Variants in MEIOB observed in about 807,000 individuals in gnomAD.
MEIOB encodes the protein meiosis-specific with OB domain-containing protein.
A neutral mutation model predicts 53.1 loss-of-function variants in MEIOB; 50 were observed. That is an observed-to-expected ratio of 0.94 (90% CI 0.75 to 1.19). The LOEUF is 1.19. Ranked by LOEUF, MEIOB falls within the 50% of genes most tolerant of loss-of-function variation. The pLI is 0.00. For synonymous variants in MEIOB, 192 were observed against 182.5 expected, an observed-to-expected ratio of 1.05 and a Z score of -0.42; for missense variants, 551 against 550.8, an observed-to-expected ratio of 1.00 and a Z score of 0.00.
At chr16:1,851,136 C>A (rs1350048619) in intron 9 of MEIOB, among the ~76,000 whole-genome samples, 1 of 152,090 alleles carries the variant, frequency 6.6e-6, no homozygotes, top group East Asian at 1.9e-4. Flanking sequence ...CAGCCTGCTA[C>A]CCCATCCAGA....
chr16:1,856,761 T>G lies in MEIOB; in HGVS notation c.528+974A>C, dbSNP rs1408561659. ...AGGCATGAGCCACCACGCCAGGCCT[T>G]TTTTTTTTTTTTTTTTTTTTGAGAC... On this transcript the variant is annotated intron_variant, in intron 6 of 13. Coordinates refer to ENST00000325962, the MANE Select transcript of MEIOB (RefSeq NM_001163560.3). 9.6e-3 allele frequency among the ~76,000 whole-genome samples: 108 copies of G among 11,208 alleles called. 1 individual carries two copies. The highest frequency in any genetic ancestry group is 6.5e-3 in the Non-Finnish European group (37 of 5,654). The allele number at this position is 11,208 out of a possible 152,430, so 7.4% of individuals were successfully genotyped here.
Position 1,837,811 on chromosome 16 carries a change from G to A in MEIOB, c.1278C>T (p.Leu426=). The change falls in exon 13 of 14, where the codon CTC becomes CTT. Residue 426 remains leucine (L), a synonymous_variant. Coordinates refer to ENST00000325962, the MANE Select transcript of MEIOB (RefSeq NM_001163560.3). ...EQKTALKWQF[L]LERSKIYLKF... is the part of the protein sequence containing the mutation. ...TTAAATAAATTTTGCTTCTTTCCAAGAGAAATTGCCACTTTAATGCTGTTT... is the reference window on the plus strand; with the variant it reads ...TTAAATAAATTTTGCTTCTTTCCAAAAGAAATTGCCACTTTAATGCTGTTT... 2 of 1,539,446 alleles carry A rather than the reference G, an allele frequency of 1.3e-6. No homozygotes were observed. The highest frequency in any genetic ancestry group is 1.8e-6 in the Non-Finnish European group (2 of 1,141,074).
intron 11 of MEIOB, 143 bp downstream of exon 11, chr16:1,841,677 A>T (rs1276996020): frequency 4.3e-6 from 2 of 461,396 alleles, no homozygotes; most frequent in East Asian, 7.1e-5. Flanking sequence ...GAAACTTTTC[A>T]GTACAGTTTT....
chr16:1,853,849 C>A (rs1178673240), intron 7 of MEIOB, among the ~76,000 whole-genome samples: 1 of 152,168 alleles, frequency 6.6e-6, no homozygotes, highest in African/African-American at 2.4e-5. Context: ...ATTTGTTACA[C>A]GACAGAATTC....
intron 1 of MEIOB, among the ~76,000 whole-genome samples, chr16:1,869,467 A>G (rs1899677125): frequency 1.3e-5 from 2 of 149,952 alleles, no homozygotes; most frequent in African/African-American, 2.5e-5. Context: ...TTTTTTTTTG[A>G]GATGGAGTTT....
At chr16:1,860,270 GT>G in intron 5 of MEIOB, 132 bp downstream of exon 5, 1 of 510,862 alleles carries the variant, frequency 2.0e-6, no homozygotes, top group Non-Finnish European at 3.4e-6. Flanking sequence ...GATGAATTTT[GT>G]AAGAGAAAAT....
chr16:1,837,892 G>A, intron 12 of MEIOB, 22 bp from the exon 13 acceptor site: 1 of 1,479,584 alleles, frequency 6.8e-7, no homozygotes, highest in Non-Finnish European at 9.0e-7. Context: ...AAAAATATGA[G>A]ACAAATATAT....
intron 3 of MEIOB, among the ~76,000 whole-genome samples, chr16:1,862,684 C>G (rs1657127): frequency 0.83 from 125,309 of 151,852 alleles, 51,820 homozygotes; most frequent in Middle Eastern, 0.9. Flanking sequence ...ACTTTGGGAG[C>G]CCGAGGCGGG....
At chr16:1,842,069 G>A in intron 10 of MEIOB, 96 bp from the exon 11 acceptor site, 1 of 789,824 alleles carries the variant, frequency 1.3e-6, no homozygotes. Context: ...AGAACATGCA[G>A]TAGCTTAAGT....
In MEIOB at chr16:1,870,172, C is replaced by T. The variant is rs138995891; in HGVS notation, c.-10+1821G>A. On this transcript the variant is annotated intron_variant, in intron 1 of 13. Transcript: ENST00000325962. ...CAGGCGTGAGCCACTGAGCCCAGCC[C>T]GGGAAAATTATTGATTTTAAACACA... Among the ~76,000 whole-genome samples the T allele has an allele frequency of 2.9e-3, 435 of 152,170 alleles. 2 individuals carry two copies. The highest frequency in any genetic ancestry group is 0.017 in the Middle Eastern group (5 of 294).
At chr16:1,864,012 T>C (rs867364094) in intron 3 of MEIOB, among the ~76,000 whole-genome samples, 4 of 152,142 alleles carry the variant, frequency 2.6e-5, no homozygotes, top group Middle Eastern at 3.4e-3. Flanking sequence ...CAAAAATTAT[T>C]CAGGCATAGT....
At chr16:1,858,559 A>G (rs1361816577) in intron 5 of MEIOB, among the ~76,000 whole-genome samples, 2 of 152,164 alleles carry the variant, frequency 1.3e-5, no homozygotes, top group Non-Finnish European at 2.9e-5. Context: ...ATTCCCCTAC[A>G]GTCCATCCTC....
rs536768977 is a variant in MEIOB, at chr16:1,844,440, GTTTC to G, written c.880+418_880+421del. On this transcript the variant is annotated intron_variant, in intron 10 of 13. Coordinates refer to ENST00000325962, the MANE Select transcript of MEIOB (RefSeq NM_001163560.3). ...CACCTGGCCAAGCATTCTGTATTGT[GTTTC>G]TTTTATTTTTTTATTTTTTGAGATA... 3.3e-5 allele frequency among the ~76,000 whole-genome samples: 5 copies of G among 151,902 alleles called. No individual in the cohort carries two copies. The East Asian group carries it at 7.7e-4, about 23-fold the overall frequency.
At chr16:1,861,584 T>C (rs366223) in intron 4 of MEIOB, among the ~76,000 whole-genome samples, 101,309 of 139,222 alleles carry the variant, frequency 0.73, 37,208 homozygotes, top group Middle Eastern at 0.84. Context: ...ACTCTGTGAC[T>C]CAGGCTGGAG....
intron 9 of MEIOB, among the ~76,000 whole-genome samples, chr16:1,848,892 C>A (rs574467526): frequency 5.3e-5 from 8 of 152,088 alleles, no homozygotes; most frequent in Non-Finnish European, 1.0e-4. Flanking sequence ...TCATGGATTT[C>A]GGGTCCAGGA....
chr16:1,863,148 G>A (rs994345208), intron 3 of MEIOB, among the ~76,000 whole-genome samples: 4 of 151,988 alleles, frequency 2.6e-5, no homozygotes, highest in Admixed American at 6.6e-5. Context: ...CTTGAGCCCA[G>A]TTTAAGTGTG....
chr16:1,836,543 A>C (rs1213654070), intron 13 of MEIOB, among the ~76,000 whole-genome samples: 1 of 152,042 alleles, frequency 6.6e-6, no homozygotes, highest in Non-Finnish European at 1.5e-5. Context: ...GCAGCATCTT[A>C]CTGCAACTTT....
intron 4 of MEIOB, among the ~76,000 whole-genome samples, chr16:1,860,818 A>T (rs1164600335): frequency 6.6e-6 from 1 of 152,200 alleles, no homozygotes; most frequent in Non-Finnish European, 1.5e-5. Context: ...TTGTCCTGAA[A>T]GTTAACAATA....
intron 2 of MEIOB, among the ~76,000 whole-genome samples, chr16:1,866,314 T>C (rs1038543727): frequency 1.3e-5 from 2 of 152,222 alleles, no homozygotes; most frequent in East Asian, 1.9e-4. Flanking sequence ...TTGCTGCTAA[T>C]AAATCTAAAT....
Sources: allele counts gnomAD v4.1 joint callset (sites outside exome capture counted in the v4.1 genomes callset), GRCh38; gene constraint gnomAD v4.1.1; transcripts MANE v1.5; gene names NCBI Gene and HGNC (gene_info 2026-07-23, HGNC 2026-07-21).